The following NCALD variants were observed in gnomAD, a reference collection of about 807,000 sequenced individuals.
NCALD encodes neurocalcin-delta.
A neutral mutation model predicts 18.6 loss-of-function variants in NCALD; 10 were observed. That is an observed-to-expected ratio of 0.54 (90% CI 0.33 to 0.91). The LOEUF (loss-of-function observed/expected upper bound fraction) is 0.91, where lower values mean the gene tolerates loss of function less well. Ranked by LOEUF, NCALD falls within the 40% of genes least tolerant of loss-of-function variation. The pLI, the probability that NCALD is intolerant of heterozygous loss-of-function variation, is 0.03. For synonymous variants in NCALD, 88 were observed against 87.4 expected (o/e 1.01, Z -0.04); for missense variants, 184 against 247.6 (o/e 0.74, Z 1.72).
intron 1 of NCALD, among the ~76,000 whole-genome samples, chr8:101,768,870 GA>G (rs1485649691): frequency 3.3e-5 from 5 of 152,318 alleles, no homozygotes; most frequent in Middle Eastern, 3.4e-3. Context: ...TGAAACCTGT[GA>G]ATGGGTTGCT....
chr8:102,066,608 A>G (rs528187335), intron 1 of NCALD, among the ~76,000 whole-genome samples: 133 of 152,312 alleles, frequency 8.7e-4, no homozygotes, highest in Non-Finnish European at 1.7e-3. Flanking sequence ...ATTTCCTTTC[A>G]AGACCTGCCC....
chr8:101,809,351 A>G (rs1470254714), intron 4 of NCALD, among the ~76,000 whole-genome samples: 1 of 152,176 alleles, frequency 6.6e-6, no homozygotes, highest in African/African-American at 2.4e-5. Context: ...GAGGTAAATA[A>G]TTCTTTTCTC....
intron 1 of NCALD, among the ~76,000 whole-genome samples, chr8:102,063,479 T>C (rs1823910601): frequency 6.6e-6 from 1 of 152,212 alleles, no homozygotes; most frequent in Non-Finnish European, 1.5e-5. Context: ...GCTTGTGGTA[T>C]TAAGCATCAT....
chr8:101,864,559 G>T (rs988500633), intron 4 of NCALD, among the ~76,000 whole-genome samples: 2 of 151,206 alleles, frequency 1.3e-5, no homozygotes, highest in Admixed American at 6.6e-5. Flanking sequence ...TATTTTATAT[G>T]ACCTGATAGG....
chr8:101,803,317 T>C (rs1161629750), intron 4 of NCALD, among the ~76,000 whole-genome samples: 1 of 152,214 alleles, frequency 6.6e-6, no homozygotes, highest in African/African-American at 2.4e-5. Context: ...AGCCCATTGT[T>C]GAGACCTACT....
chr8:102,089,493 G>C (rs1824853887), intron 1 of NCALD, among the ~76,000 whole-genome samples: 1 of 152,000 alleles, frequency 6.6e-6, no homozygotes, highest in African/African-American at 2.4e-5. Flanking sequence ...TCTATATGTT[G>C]TGTGTGTGGT....
intron 2 of NCALD, among the ~76,000 whole-genome samples, chr8:101,964,135 A>C (rs1819935455): frequency 6.6e-6 from 1 of 152,162 alleles, no homozygotes; most frequent in Admixed American, 6.6e-5. Flanking sequence ...CTCTCTTCTA[A>C]CTATCTTATT....
At chr8:101,756,996 T>C (rs1049470123) in intron 1 of NCALD, among the ~76,000 whole-genome samples, 1 of 152,222 alleles carries the variant, frequency 6.6e-6, no homozygotes, top group Non-Finnish European at 1.5e-5. Context: ...TAGTCTCTTA[T>C]GTCTCTGTCT....
chr8:102,002,230 G>C (rs1244592058), intron 2 of NCALD, among the ~76,000 whole-genome samples: 1 of 152,182 alleles, frequency 6.6e-6, no homozygotes, highest in Non-Finnish European at 1.5e-5. Flanking sequence ...TGCAATCCTA[G>C]TCTCTAATAA....
At chr8:101,756,498 G>A (rs141438827) in intron 1 of NCALD, among the ~76,000 whole-genome samples, 1 of 152,312 alleles carries the variant, frequency 6.6e-6, no homozygotes, top group Non-Finnish European at 1.5e-5. Flanking sequence ...GCAAGTGCAG[G>A]GTAGACCAAT....
intron 1 of NCALD, among the ~76,000 whole-genome samples, chr8:101,779,168 AAATT>A (rs1180554793): frequency 6.6e-6 from 1 of 152,202 alleles, no homozygotes; most frequent in African/African-American, 2.4e-5. Flanking sequence ...ATTTTGAAAA[AAATT>A]AAAAATATGC....
chr8:101,791,606 C>A (rs557386628), upstream of NCALD, among the ~76,000 whole-genome samples: 20 of 152,280 alleles, frequency 1.3e-4, no homozygotes, highest in Non-Finnish European at 2.6e-4. Context: ...ATGATCCTGA[C>A]ACCAAGTAGG....
In NCALD at chr8:101,719,476, A is replaced by G; in HGVS notation, c.154T>C (p.Tyr52His). Reference sequence around the variant, plus strand: ...TCCCCATAAGGGAAAAAGTTCCCATATATTTTCTTAAACTCTTCCATTGAC... The same window carrying G: ...TCCCCATAAGGGAAAAAGTTCCCATGTATTTTCTTAAACTCTTCCATTGAC... The part of the protein sequence containing the change: ...HLSMEEFKKI[Y>H]GNFFPYGDAS... The change falls in exon 2 of 4, where the codon TAT becomes CAT. Residue 52 changes from tyrosine to histidine, a missense_variant. Tyr to His is a moderately conservative substitution (Grantham distance 83). Coordinates refer to ENST00000220931, the MANE Select transcript of NCALD (RefSeq NM_032041.3). 3 of 1,614,210 alleles carry G rather than the reference A, an allele frequency of 1.9e-6. No homozygotes were observed. The highest frequency in any genetic ancestry group is 1.3e-5 in the African/African-American group (1 of 75,054).
At chr8:101,975,558 T>A (rs1820391597) in intron 2 of NCALD, among the ~76,000 whole-genome samples, 1 of 152,228 alleles carries the variant, frequency 6.6e-6, no homozygotes, top group Admixed American at 6.5e-5. Context: ...AAGGCTCCTG[T>A]GTCCAACACA....
chr8:101,870,909 CA>C lies in NCALD; in HGVS notation c.-20+16231del, dbSNP rs1554649159. On this transcript the variant is annotated intron_variant, in intron 4 of 6. Transcript: ENST00000311028. ...TACCACCGCCCCCACCCCCCCCCCC[CA>C]AAAAAAGAGAGAACGTTCATGAGTT... Among the ~76,000 whole-genome samples the C allele has an allele frequency of 3.7e-5, 3 of 81,548 alleles. No individual in the cohort carries two copies. The Admixed American group carries it at 4.8e-4, about 13-fold the overall frequency. 53.5% of individuals were successfully genotyped at this position (81,548 alleles called of 152,430 possible). A position where few individuals can be genotyped will look rare whatever the true frequency, so the allele number is the denominator to read the frequency against.
chr8:101,839,638 T>G (rs1000572811), intron 4 of NCALD, among the ~76,000 whole-genome samples: 2 of 152,196 alleles, frequency 1.3e-5, no homozygotes, highest in African/African-American at 4.8e-5. Context: ...CCTTCTATAT[T>G]GCTACCCCTA....
intron 1 of NCALD, among the ~76,000 whole-genome samples, chr8:102,082,224 CTCTTTTTT>C (rs1224432547): frequency 9.1e-5 from 10 of 109,484 alleles, no homozygotes; most frequent in African/African-American, 2.3e-4. Context: ...GAGAAGCTCT[CTCTTTTTT>C]TTTTTTTTTT....
intron 2 of NCALD, among the ~76,000 whole-genome samples, chr8:101,703,320 A>G (rs1332724421): frequency 6.6e-6 from 1 of 152,150 alleles, no homozygotes; most frequent in African/African-American, 2.4e-5. Flanking sequence ...ACATTTGTGG[A>G]CTTTATGAAT....
intron 2 of NCALD, among the ~76,000 whole-genome samples, chr8:101,943,975 CA>C (rs1259601734): frequency 5.0e-5 from 5 of 100,926 alleles, no homozygotes; most frequent in Non-Finnish European, 1.2e-4. Flanking sequence ...AACAAACAAA[CA>C]AACAAAAAAA....
Sources: allele counts gnomAD v4.1 joint callset (sites outside exome capture counted in the v4.1 genomes callset), GRCh38; gene constraint gnomAD v4.1.1; transcripts MANE v1.5; gene names NCBI Gene and HGNC (gene_info 2026-07-23, HGNC 2026-07-21).